The following CPM variants were observed in gnomAD, a reference collection of about 807,000 sequenced individuals.
CPM encodes the protein carboxypeptidase M, also known as renal carboxypeptidase.
Under a neutral mutation model 46.4 loss-of-function variants are expected in CPM, and 35 were observed. The ratio of observed to expected loss-of-function variants is 0.75; its 90% CI spans 0.58 to 1.00. CPM has a LOEUF of 1.00. Ranked by LOEUF, CPM falls within the 50% of genes least tolerant of loss-of-function variation. The pLI is 0.00. For missense variants in CPM, 422 were observed against 530.4 expected, an observed-to-expected ratio of 0.80 and a Z score of 2.01; for synonymous variants, 195 against 195.3, an observed-to-expected ratio of 1.00 and a Z score of 0.01.
rs368601669 is a variant in CPM, at chr12:68,931,488, T to G, written c.160+1190A>C. Among the ~76,000 whole-genome samples the G allele has an allele frequency of 2.0e-5, 3 of 152,088 alleles. No homozygotes were observed. The South Asian group carries it at 6.2e-4, about 31-fold the overall frequency. ...GGCCGGGCACGGTGGCTCATACCTG[T>G]AATCCTAGCACTTTGGGAGGCCGAA... On this transcript the variant is annotated intron_variant, in intron 2 of 8. Transcript: ENST00000551568.
chr12:68,843,725 CAATA>C (rs1884014002), intron 5 of CPM: 1 of 223,580 alleles, frequency 4.5e-6, no homozygotes, highest in African/African-American at 2.2e-5. Context: ...CTGTCTGTCT[CAATA>C]AATGGCCAAA....
intron 2 of CPM, among the ~76,000 whole-genome samples, chr12:68,924,773 AGT>A (rs1888189477): frequency 6.6e-6 from 1 of 152,230 alleles, no homozygotes; most frequent in Non-Finnish European, 1.5e-5. Context: ...AAATGAGCAG[AGT>A]GTGACGGATG....
intron 2 of CPM, among the ~76,000 whole-genome samples, chr12:68,924,688 A>G (rs942622427): frequency 6.6e-6 from 1 of 152,128 alleles, no homozygotes. Flanking sequence ...TTCATCCTCA[A>G]TATGTCAGTA....
intron 1 of CPM, among the ~76,000 whole-genome samples, chr12:68,959,278 G>A (rs1889074397): frequency 6.6e-6 from 1 of 152,152 alleles, no homozygotes; most frequent in Admixed American, 6.5e-5. Context: ...CTTTTAGAAA[G>A]AGCCAGTCCT....
chr12:68,944,402 GTACT>G (rs1888810092), intron 1 of CPM, among the ~76,000 whole-genome samples: 1 of 152,050 alleles, frequency 6.6e-6, no homozygotes, highest in Non-Finnish European at 1.5e-5. Context: ...CTATCAGAAC[GTACT>G]TACTTTTTTT....
intron 1 of CPM, among the ~76,000 whole-genome samples, chr12:68,942,055 T>C (rs1888774387): frequency 6.6e-6 from 1 of 152,210 alleles, no homozygotes; most frequent in Admixed American, 6.5e-5. Flanking sequence ...AACTCAAGCA[T>C]TCTCTGTTTA....
At chr12:68,953,784 A>G (rs1001277823) in intron 1 of CPM, among the ~76,000 whole-genome samples, 1 of 152,246 alleles carries the variant, frequency 6.6e-6, no homozygotes, top group Non-Finnish European at 1.5e-5. Context: ...TATTCGTTGA[A>G]TCAAATGGAA....
chr12:68,868,507 G>T (rs1306334659), intron 6 of CPM, among the ~76,000 whole-genome samples: 1 of 152,102 alleles, frequency 6.6e-6, no homozygotes, highest in East Asian at 1.9e-4. Context: ...GTTTTCCCCT[G>T]AGGCATGGAA....
chr12:68,933,613 A>G (rs1888607982), upstream of CPM, among the ~76,000 whole-genome samples: 1 of 151,732 alleles, frequency 6.6e-6, no homozygotes, highest in Non-Finnish European at 1.5e-5. Flanking sequence ...ACGCATGCGG[A>G]GTCCTGAGTG....
intron 8 of CPM, 144 bp from the exon 9 acceptor site, chr12:68,856,823 T>C: frequency 2.7e-6 from 3 of 1,100,940 alleles, no homozygotes; most frequent in South Asian, 1.6e-5. Flanking sequence ...AGCAACAGAT[T>C]TGGTCCTGCA....
chr12:68,934,828 G>A (rs570830783), upstream of CPM, among the ~76,000 whole-genome samples: 1 of 152,196 alleles, frequency 6.6e-6, no homozygotes, highest in South Asian at 2.1e-4. Context: ...TGTGCGAAGC[G>A]TTTATTACAT....
intron 2 of CPM, among the ~76,000 whole-genome samples, chr12:68,925,819 G>A (rs768598697): frequency 2.0e-4 from 31 of 152,186 alleles, no homozygotes; most frequent in South Asian, 4.2e-4. Flanking sequence ...AGCACAGTCC[G>A]ATCAAAATAT....
intron 3 of CPM, among the ~76,000 whole-genome samples, chr12:68,872,230 A>ATGCTGCTGCTGCTGC (rs372578780): frequency 6.8e-6 from 1 of 147,368 alleles, no homozygotes; most frequent in East Asian, 2.0e-4. Context: ...GAGTGGAATA[A>ATGCTGCTGCTGCTGC]TGCTGCTGCT....
intron 1 of CPM, among the ~76,000 whole-genome samples, chr12:68,948,245 CAATT>C (rs1267786264): frequency 6.6e-6 from 1 of 152,086 alleles, no homozygotes; most frequent in Non-Finnish European, 1.5e-5. Context: ...ATACCGCTAA[CAATT>C]TATTTTTTGG....
At position 68,909,818 on chromosome 12, in the gene CPM, C is replaced by T. The variant is rs556641746; in HGVS notation, c.160+22860G>A. On this transcript the variant is annotated intron_variant, in intron 2 of 8. Coordinates refer to ENST00000551568, the MANE Select transcript of CPM (RefSeq NM_198320.5). ...CATGGACACAGGGAGGGAAACATCA[C>T]ACACTGGGGCCTGTTGGGGGGTGGG... is the stretch of plus-strand genomic sequence containing the variant. 3.0e-3 allele frequency among the ~76,000 whole-genome samples: 377 copies of T among 126,250 alleles called. 2 individuals are homozygous for T. The highest frequency in any genetic ancestry group is 4.9e-3 in the Non-Finnish European group (309 of 62,998). 82.8% of individuals were successfully genotyped at this position (126,250 alleles called of 152,430 possible).
chr12:68,861,779 C>T lies in CPM; in HGVS notation c.941-2708G>A, dbSNP rs529967963. ...CTGACCTCAAATGATCCGCCCGCCT[C>T]AGCCTCCCAAAGTGCTGGGATTACA... is the stretch of plus-strand genomic sequence containing the variant. On this transcript the variant is annotated intron_variant, in intron 7 of 8. Coordinates refer to ENST00000551568, the MANE Select transcript of CPM (RefSeq NM_198320.5). Among the ~76,000 whole-genome samples the T allele has an allele frequency of 1.1e-3, 173 of 151,936 alleles. 1 individual carries two copies. Among genetic ancestry groups the T allele is most frequent in the Admixed American group, 2.3e-3 (35 of 15,268 alleles).
intron 2 of CPM, among the ~76,000 whole-genome samples, chr12:68,927,441 T>A (rs182857752): frequency 0.012 from 1,901 of 152,240 alleles, 21 homozygotes; most frequent in South Asian, 0.036. Flanking sequence ...TTTGTTTGAG[T>A]TCATTGTAGA....
chr12:68,903,671 T>A (rs1386559025), intron 2 of CPM, among the ~76,000 whole-genome samples: 1 of 152,214 alleles, frequency 6.6e-6, no homozygotes, highest in East Asian at 1.9e-4. Flanking sequence ...GCTCTGCCAG[T>A]TTCACAAAGG....
intron 2 of CPM, among the ~76,000 whole-genome samples, chr12:68,915,413 G>A (rs1887764334): frequency 6.6e-6 from 1 of 152,130 alleles, no homozygotes; most frequent in Non-Finnish European, 1.5e-5. Flanking sequence ...TGTCCTCCCT[G>A]GACTGCTCCT....
Sources: allele counts gnomAD v4.1 joint callset (sites outside exome capture counted in the v4.1 genomes callset), GRCh38; gene constraint gnomAD v4.1.1; transcripts MANE v1.5; gene names NCBI Gene and HGNC (gene_info 2026-07-23, HGNC 2026-07-21).